The following EEF1E1 variants were observed in gnomAD, a reference collection of about 807,000 sequenced individuals.
The protein encoded by EEF1E1 is eukaryotic translation elongation factor 1 epsilon 1, also known as eukaryotic translation elongation factor 1 epsilon-1.
EEF1E1 carries 19 observed loss-of-function variants against 19.9 expected under a neutral mutation model. That is an observed-to-expected ratio of 0.95 (90% CI 0.66 to 1.40). The LOEUF is 1.40. EEF1E1 is among the 40% of genes most tolerant of loss of function. EEF1E1 has a pLI of 0.00. For missense variants in EEF1E1, 198 were observed against 202.2 expected (o/e 0.98, Z 0.13); for synonymous variants, 81 against 80.0 (o/e 1.01, Z -0.07).
At chr6:8,100,822 T>C (rs1289796593) in intron 1 of EEF1E1, among the ~76,000 whole-genome samples, 3 of 151,242 alleles carry the variant, frequency 2.0e-5, no homozygotes, top group Non-Finnish European at 4.4e-5. Context: ...AGAGAGTTGC[T>C]GCTCACCCAC....
At chr6:8,078,065 C>T (rs1037661164), downstream of EEF1E1, among the ~76,000 whole-genome samples, 1 of 152,222 alleles carries the variant, frequency 6.6e-6, no homozygotes, top group Non-Finnish European at 1.5e-5. Context: ...GCATGAGCCA[C>T]CACACCCAGC....
chr6:8,101,253 T>A (rs1159023575), intron 1 of EEF1E1, among the ~76,000 whole-genome samples: 13,119 of 35,852 alleles, frequency 0.37, 3,081 homozygotes, highest in Non-Finnish European at 0.4. Flanking sequence ...AATATATATA[T>A]ATATATATAT....
In EEF1E1 at chr6:8,093,324, C is replaced by CTTT. The variant is rs57000456; in HGVS notation, c.289-3046_289-3044dup. 4.8e-3 allele frequency among the ~76,000 whole-genome samples: 647 copies of CTTT among 135,036 alleles called. 7 individuals carry two copies. The highest frequency in any genetic ancestry group is 0.013 in the Middle Eastern group (3 of 238). The allele number at this position is 135,036 out of a possible 152,430, so 88.6% of individuals were successfully genotyped here. On this transcript the variant is annotated intron_variant, in intron 2 of 3. Coordinates refer to ENST00000379715, the MANE Select transcript of EEF1E1 (RefSeq NM_004280.5). The stretch of plus-strand genomic sequence containing the variant: ...ACTAATTATGTCTGACATTCGCTTC[C>CTTT]TTTTTTTTTTTTTTTTTTTACAATT...
At chr6:8,080,651 A>C (rs939014137) in intron 3 of EEF1E1, among the ~76,000 whole-genome samples, 10 of 152,210 alleles carry the variant, frequency 6.6e-5, no homozygotes, top group African/African-American at 2.4e-4. Flanking sequence ...TTATCATTTC[A>C]CTGGGCTCAA....
downstream of EEF1E1, among the ~76,000 whole-genome samples, chr6:8,075,752 CAA>C (rs1323998674): frequency 6.6e-6 from 1 of 152,158 alleles, no homozygotes; most frequent in Non-Finnish European, 1.5e-5. Context: ...CTCTTCCTTT[CAA>C]AAGACATTTC....
At chr6:8,102,182 G>A in intron 1 of EEF1E1, 1 of 1,174,672 alleles carries the variant, frequency 8.5e-7, no homozygotes, top group Non-Finnish European at 1.1e-6. Context: ...CTCATAATGG[G>A]ATGATGACAA....
downstream of EEF1E1, among the ~76,000 whole-genome samples, chr6:8,077,578 C>T (rs1412977374): frequency 6.6e-6 from 1 of 152,190 alleles, no homozygotes; most frequent in Non-Finnish European, 1.5e-5. Flanking sequence ...ATCTCATGAA[C>T]CAATCTCTGC....
intron 2 of EEF1E1, among the ~76,000 whole-genome samples, chr6:8,094,398 A>T (rs1450205321): frequency 1.3e-5 from 2 of 151,780 alleles, no homozygotes; most frequent in African/African-American, 2.4e-5. Context: ...GGAATTCGAG[A>T]TCAGCCTGGC....
intron 2 of EEF1E1, among the ~76,000 whole-genome samples, chr6:8,093,574 A>G: frequency 6.6e-6 from 1 of 152,082 alleles, no homozygotes; most frequent in East Asian, 1.9e-4. Flanking sequence ...TAAACTTAGC[A>G]TTGTGGTTTT....
In EEF1E1 at chr6:8,099,790, AC is replaced by A. The variant is rs1217482405; in HGVS notation, c.88-2324del. On this transcript the variant is annotated intron_variant, in intron 1 of 3. Transcript: ENST00000379715. Reference sequence around the variant, plus strand: ...CACACACACACACACACACACACACACAAAAAAAAAACAGAACCCTCTATAA... The same window carrying A: ...CACACACACACACACACACACACACAAAAAAAAAAACAGAACCCTCTATAA... Among the ~76,000 whole-genome samples the A allele has an allele frequency of 8.3e-3, 889 of 106,616 alleles. 19 individuals are homozygous for A. The highest frequency in any genetic ancestry group is 0.05 in the South Asian group (143 of 2,872). 69.9% of individuals were successfully genotyped at this position (106,616 alleles called of 152,430 possible).
chr6:8,080,407 A>G (rs1374494030), intron 3 of EEF1E1, among the ~76,000 whole-genome samples: 1 of 152,204 alleles, frequency 6.6e-6, no homozygotes. Flanking sequence ...TAAAAAAAGG[A>G]AATGATCCAT....
chr6:8,090,925 C>T (rs75918301), intron 2 of EEF1E1, among the ~76,000 whole-genome samples: 1,605 of 152,178 alleles, frequency 0.011, 33 homozygotes, highest in African/African-American at 0.036. Flanking sequence ...CATATTTTAT[C>T]GATTCCTGTG....
chr6:8,094,552 CAG>C (rs1758112389), intron 2 of EEF1E1, among the ~76,000 whole-genome samples: 1 of 142,096 alleles, frequency 7.0e-6, no homozygotes, highest in African/African-American at 2.6e-5. Context: ...GCCTGTGTGA[CAG>C]AGCAAGACTC....
In EEF1E1 at chr6:8,094,869, TA is replaced by T. The variant is rs149110364; in HGVS notation, c.288+2397del. Among the ~76,000 whole-genome samples the T allele has an allele frequency of 2.0e-3, 307 of 152,330 alleles. 4 individuals are homozygous for T. Among genetic ancestry groups the T allele is most frequent in the African/African-American group, 7.2e-3 (298 of 41,576 alleles). ...TGACAATCCACTTCCACTTTATGAA[TA>T]GTAAACGTATTCCCTCCGCCTTATG... On this transcript the variant is annotated intron_variant, in intron 2 of 3. Transcript: ENST00000379715.
At chr6:8,076,982 G>T (rs1279475007), downstream of EEF1E1, among the ~76,000 whole-genome samples, 2 of 67,008 alleles carry the variant, frequency 3.0e-5, no homozygotes, top group Non-Finnish European at 6.3e-5. Context: ...TCGCGCTGTC[G>T]CCCAGGCTGG....
Position 8,094,104 on chromosome 6 carries a change from C to G in EEF1E1, c.288+3163G>C, listed in dbSNP as rs78893922. Among the ~76,000 whole-genome samples, 1,444 of 152,012 alleles carry G rather than the reference C, an allele frequency of 9.5e-3. 22 individuals are homozygous for G. Among genetic ancestry groups the G allele is most frequent in the African/African-American group, 0.033 (1,356 of 41,432 alleles). ...GTGAGCCACCGCATGCGGCCTCAAA[C>G]GAATAATTTTTAAATTTTCTTGTTT... On this transcript the variant is annotated intron_variant, in intron 2 of 3. Coordinates refer to ENST00000379715, the MANE Select transcript of EEF1E1 (RefSeq NM_004280.5).
Position 8,099,789 on chromosome 6 carries a change from C to CAA in EEF1E1, c.88-2323_88-2322insTT, listed in dbSNP as rs1480435847. Among the ~76,000 whole-genome samples the CAA allele has an allele frequency of 8.5e-3, 761 of 89,458 alleles. 12 individuals are homozygous for CAA. The highest frequency in any genetic ancestry group is 0.014 in the Non-Finnish European group (602 of 42,218). 58.7% of individuals were successfully genotyped at this position (89,458 alleles called of 152,430 possible). On this transcript the variant is annotated intron_variant, in intron 1 of 3. Transcript: ENST00000379715. ...ACACACACACACACACACACACACA[C>CAA]ACAAAAAAAAAACAGAACCCTCTAT... is the stretch of plus-strand genomic sequence containing the variant.
chr6:8,073,366 A>G, exon 4 of EEF1E1: 4 of 1,441,692 alleles, frequency 2.8e-6, no homozygotes, highest in Non-Finnish European at 2.8e-6. Flanking sequence ...CAAGTTAATT[A>G]AGCAGAATTT....
chr6:8,075,084 G>C (rs1355977280), downstream of EEF1E1, among the ~76,000 whole-genome samples: 2 of 152,190 alleles, frequency 1.3e-5, no homozygotes, highest in African/African-American at 4.8e-5. Flanking sequence ...CTGCTGAATG[G>C]GGGGAGAAGA....
Sources: allele counts gnomAD v4.1 joint callset (sites outside exome capture counted in the v4.1 genomes callset), GRCh38; gene constraint gnomAD v4.1.1; transcripts MANE v1.5; gene names NCBI Gene and HGNC (gene_info 2026-07-23, HGNC 2026-07-21).